Variants in SETDB2 observed in about 807,000 individuals in gnomAD.
SETDB2 encodes SET domain bifurcated histone lysine methyltransferase 2.
SETDB2 carries 56 observed loss-of-function variants against 82.5 expected under a neutral mutation model. That is an observed-to-expected ratio of 0.68 (90% confidence interval 0.55 to 0.85). The LOEUF (loss-of-function observed/expected upper bound fraction) is 0.85. Ranked by LOEUF, SETDB2 falls within the 40% of genes least tolerant of loss-of-function variation. The pLI is 0.00. For missense variants in SETDB2, 677 were observed against 816.4 expected (o/e 0.83, Z 2.08); for synonymous variants, 272 against 284.9 (o/e 0.95, Z 0.46).
intron 2 of SETDB2, among the ~76,000 whole-genome samples, chr13:49,452,150 C>T (rs1594128515): frequency 6.6e-6 from 1 of 150,678 alleles, no homozygotes; most frequent in Admixed American, 6.6e-5. Flanking sequence ...GAGTCTCTGT[C>T]GCCCAGGCTG....
chr13:49,452,067 C>T (rs1452266581), intron 2 of SETDB2, among the ~76,000 whole-genome samples, 158 bp downstream of exon 2: 1 of 151,404 alleles, frequency 6.6e-6, no homozygotes, highest in Admixed American at 6.6e-5. Flanking sequence ...CCAATTTTGA[C>T]TGTCTTTATC....
At chr13:49,485,476 A>C (rs1346102718) in intron 10 of SETDB2, among the ~76,000 whole-genome samples, 154 bp from the exon 11 acceptor site, 1 of 152,224 alleles carries the variant, frequency 6.6e-6, no homozygotes, top group African/African-American at 2.4e-5. Flanking sequence ...TGACTCCATT[A>C]GTCTAAAGAC....
intron 2 of SETDB2, chr13:49,459,870 A>G (rs1182607517): frequency 8.7e-6 from 3 of 344,174 alleles, no homozygotes; most frequent in African/African-American, 2.2e-5. Context: ...AGAAAGTGTC[A>G]CTAAAATTTT....
At position 49,488,415 on chromosome 13, in the gene SETDB2, T is replaced by A. The variant is rs755541921; in HGVS notation, c.1702T>A (p.Leu568Met). The A allele has an allele frequency of 4.3e-6, 7 of 1,614,086 alleles. No individual in the cohort carries two copies. Among genetic ancestry groups the A allele is most frequent in the Non-Finnish European group, 5.9e-6 (7 of 1,180,006 alleles). The part of the protein sequence containing the change: ...PRSRCNQATT[L>M]DNQNIKKAIE... ...GAGCAGATGTAACCAGGCGACCACA[T>A]TGGATAATCAGAATATTAAAAAGGC... Residue 568 changes from leucine (L) to methionine (M), a missense_variant, in exon 12 of 14, where the codon TTG (leucine) becomes ATG (methionine). Physicochemically the swap from Leu to Met is conservative, Grantham distance 15. Transcript: ENST00000611815.
At chr13:49,478,710 T>A (rs1348550967) in intron 6 of SETDB2, among the ~76,000 whole-genome samples, 1 of 152,162 alleles carries the variant, frequency 6.6e-6, no homozygotes, top group Non-Finnish European at 1.5e-5. Flanking sequence ...GAACATCATT[T>A]GAGCCCAGGA....
intron 5 of SETDB2, among the ~76,000 whole-genome samples, chr13:49,475,166 A>G (rs1343379643): frequency 6.6e-6 from 1 of 152,168 alleles, no homozygotes; most frequent in Non-Finnish European, 1.5e-5. Context: ...ACAGGCAAAG[A>G]GCTTGTGCAG....
chr13:49,488,862 T>G (rs1187763499), intron 12 of SETDB2: 1 of 421,498 alleles, frequency 2.4e-6, no homozygotes, highest in African/African-American at 2.0e-5. Context: ...ATCTAATGAA[T>G]TAACATTAAG....
At chr13:49,489,918 CT>C (rs1402632682) in intron 12 of SETDB2, among the ~76,000 whole-genome samples, 5 of 36,418 alleles carry the variant, frequency 1.4e-4, no homozygotes, top group African/African-American at 2.0e-4. Flanking sequence ...CCCCCCCCCC[CT>C]TTTTTTTTTA....
chr13:49,471,934 A>ATATATATATATATAT (rs1378783393), intron 5 of SETDB2, among the ~76,000 whole-genome samples: 13 of 119,260 alleles, frequency 1.1e-4, no homozygotes, highest in East Asian at 2.4e-4. Context: ...ATATATATAT[A>ATATATATATATATAT]TTTTTTTTTT....
intron 13 of SETDB2, among the ~76,000 whole-genome samples, chr13:49,491,361 C>A (rs1958709266): frequency 6.6e-6 from 1 of 152,146 alleles, no homozygotes; most frequent in Non-Finnish European, 1.5e-5. Context: ...CCTGAAAGGG[C>A]TGAAGATATC....
At chr13:49,470,791 G>T (rs1958212920) in intron 5 of SETDB2, among the ~76,000 whole-genome samples, 1 of 152,168 alleles carries the variant, frequency 6.6e-6, no homozygotes, top group Non-Finnish European at 1.5e-5. Flanking sequence ...GCTGCAGCAA[G>T]CCATGATCGC....
In SETDB2 at chr13:49,483,570, A is replaced by C; in HGVS notation, c.1482+7A>C. On this transcript the variant is annotated splice_region_variant and intron_variant, in intron 10 of 13. Transcript: ENST00000611815. ...ACACAATGGGAAAAAAATGGTAAAA[A>C]ATGCAAAATGTAGTTGGGACCCTTC... The C allele has an allele frequency of 1.5e-6, 2 of 1,313,512 alleles. No homozygotes were observed. The highest frequency in any genetic ancestry group is 2.1e-6 in the Non-Finnish European group (2 of 951,016). 81.4% of individuals were successfully genotyped at this position (1,313,512 alleles called of 1,614,324 possible).
chr13:49,452,125 T>C (rs1957797228), intron 2 of SETDB2, among the ~76,000 whole-genome samples: 1 of 151,818 alleles, frequency 6.6e-6, no homozygotes, highest in African/African-American at 2.4e-5. Context: ...TTTTTTTTCT[T>C]TTTTTTTGGT....
intron 3 of SETDB2, among the ~76,000 whole-genome samples, chr13:49,460,535 A>G (rs1957972168): frequency 6.6e-6 from 1 of 152,160 alleles, no homozygotes; most frequent in African/African-American, 2.4e-5. Flanking sequence ...TGTATGTGTA[A>G]AAGTACATAT....
At chr13:49,480,808 G>C (rs1369699228) in intron 7 of SETDB2, 139 bp from the exon 8 acceptor site, 2 of 734,268 alleles carry the variant, frequency 2.7e-6, no homozygotes, top group African/African-American at 3.5e-5. Context: ...TGTGGAAGCT[G>C]TGATGGGAAC....
rs543340126 is a variant in SETDB2, at chr13:49,491,978, C to T, written c.*129C>T. The stretch of plus-strand genomic sequence containing the variant: ...TTGTCATGGGGTTTATGTTTTATTT[C>T]AGATTTTATTTGTGTGACTTAGAAA... On this transcript the variant is annotated 3_prime_UTR_variant, in exon 14 of 14. Transcript: ENST00000611815. 2 of 743,612 alleles carry T rather than the reference C, an allele frequency of 2.7e-6. No individual in the cohort carries two copies. Among genetic ancestry groups the T allele is most frequent in the East Asian group, 5.1e-5 (2 of 39,314 alleles). 46.1% of individuals were successfully genotyped at this position (743,612 alleles called of 1,614,324 possible).
At chr13:49,448,067 A>T (rs773735368) in intron 1 of SETDB2, among the ~76,000 whole-genome samples, 7 of 152,082 alleles carry the variant, frequency 4.6e-5, no homozygotes, top group African/African-American at 7.2e-5. Context: ...GCTTCAGAAC[A>T]GGTTTGTGTT....
At position 49,478,459 on chromosome 13, in the gene SETDB2, C is replaced by T. The variant is rs75736821; in HGVS notation, c.869+1420C>T. ...AGAAAGCACCCAATGTAGAGCAGCA[C>T]ACAGGACTAAACCCCACAGAAGGTA... On this transcript the variant is annotated intron_variant, in intron 6 of 13. Transcript: ENST00000611815. 2.4e-3 allele frequency among the ~76,000 whole-genome samples: 362 copies of T among 152,240 alleles called. 2 individuals carry two copies. The highest frequency in any genetic ancestry group is 8.3e-3 in the African/African-American group (345 of 41,532).
chr13:49,483,469 C>A lies in SETDB2; in HGVS notation c.1388C>A (p.Thr463Lys). ...SNNPKELTVETKYDNISRIQY... is the reference protein window; with the variant it reads ...SNNPKELTVEKKYDNISRIQY... ...AACTTTTTTTTCCTTTTTAGGGAAA[C>A]GAAATATGATAATATTTCAAGAATT... Residue 463 changes from threonine (T) to lysine (K), a missense_variant, in exon 10 of 14, where the codon ACG (threonine) becomes AAG (lysine). Thr to Lys is a moderately conservative substitution (Grantham distance 78). This residue lies in a region of SETDB2 where 420 missense variants were observed against 554.6 expected (regional missense o/e 0.76). Coordinates refer to ENST00000611815, the MANE Select transcript of SETDB2 (RefSeq NM_001160308.3). 2.3e-6 allele frequency: 3 copies of A among 1,321,236 alleles called. No individual in the cohort carries two copies. Among genetic ancestry groups the A allele is most frequent in the South Asian group, 1.4e-5 (1 of 68,976 alleles). 81.8% of individuals were successfully genotyped at this position (1,321,236 alleles called of 1,614,324 possible). A position where few individuals can be genotyped will look rare whatever the true frequency, so the allele number is the denominator to read the frequency against.
Sources: gnomAD v4.1 joint callset for allele counts (sites outside exome capture counted in the v4.1 genomes callset) on GRCh38, gnomAD v4.1.1 for gene constraint, gnomAD v4.1.1 regional missense constraint, MANE v1.5 for transcripts, NCBI Gene and HGNC (gene_info 2026-07-23, HGNC 2026-07-21) for gene names.